The following ADAM32 variants were observed in gnomAD, a reference collection of about 807,000 sequenced individuals.
ADAM32 encodes the protein ADAM metallopeptidase domain 32.
In ADAM32, 89 loss-of-function variants were observed where a neutral mutation model predicts 114.9. That is an observed-to-expected ratio of 0.77 (90% CI 0.65 to 0.92). The LOEUF (loss-of-function observed/expected upper bound fraction) is 0.92, where lower values mean the gene tolerates loss of function less well. Among genes scored for constraint, ADAM32 ranks in the 40% least tolerant of loss-of-function variants. The probability of loss-of-function intolerance (pLI) is 0.00; values close to 1 mark genes in which losing one functional copy is unlikely to be tolerated. For synonymous variants in ADAM32, 285 were observed against 307.5 expected (o/e 0.93, Z 0.77); for missense variants, 870 against 932.8 (o/e 0.93, Z 0.88).
chr8:39,217,093 T>C (rs1336392184), intron 12 of ADAM32, among the ~76,000 whole-genome samples: 1 of 105,510 alleles, frequency 9.5e-6, no homozygotes, highest in Non-Finnish European at 2.0e-5. Flanking sequence ...ATTTCTCCAT[T>C]ATGTTTAAAG....
At chr8:39,259,252 T>C (rs1347666575) in intron 19 of ADAM32, among the ~76,000 whole-genome samples, 1 of 151,914 alleles carries the variant, frequency 6.6e-6, no homozygotes, top group African/African-American at 2.4e-5. Flanking sequence ...CAGGCTGGAG[T>C]GCAGAGGCAT....
intron 18 of ADAM32, among the ~76,000 whole-genome samples, chr8:39,254,847 T>G (rs964769229): frequency 2.0e-5 from 3 of 151,860 alleles, no homozygotes; most frequent in African/African-American, 7.2e-5. Context: ...ATGTGTAGTC[T>G]TTTATACCTC....
Position 39,232,096 on chromosome 8 carries a change from G to A in ADAM32, c.1595G>A (p.Gly532Asp), listed in dbSNP as rs1449677012. The A allele has an allele frequency of 6.2e-7, 1 of 1,611,510 alleles. No individual in the cohort carries two copies. Among genetic ancestry groups the A allele is most frequent in the Non-Finnish European group, 8.5e-7 (1 of 1,178,196 alleles). ...QSQSDRFGNC[G>D]RDRNNKYVFC... Reference sequence around the variant, plus strand: ...CAATCAGACAGATTTGGGAACTGTGGTAGGGATAGAAATAACAAATATGTG... The same window carrying A: ...CAATCAGACAGATTTGGGAACTGTGATAGGGATAGAAATAACAAATATGTG... The change falls in exon 15 of 25, where the codon GGT becomes GAT. Residue 532 changes from glycine to aspartate, a missense_variant. Transcript: ENST00000379907.
At chr8:39,235,833 T>C (rs1210368968) in intron 16 of ADAM32, among the ~76,000 whole-genome samples, 2 of 152,174 alleles carry the variant, frequency 1.3e-5, no homozygotes, top group Non-Finnish European at 2.9e-5. Context: ...AGACTCAACA[T>C]ATTAAAAGTT....
At position 39,165,118 on chromosome 8, in the gene ADAM32, A is replaced by G; in HGVS notation, c.755A>G (p.Asp252Gly). ...ENKISTVGEADELLQKFLEWK... is the reference protein window; with the variant it reads ...ENKISTVGEAGELLQKFLEWK... The stretch of plus-strand genomic sequence containing the variant: ...AAGATTTCTACAGTTGGTGAGGCAG[A>G]TGAATTATTGCAAAAATTTTTAGAA... Residue 252 changes from aspartate (D) to glycine (G), a missense_variant, in exon 9 of 25, where the codon GAT becomes GGT. Transcript: ENST00000379907. 1.9e-6 allele frequency: 3 copies of G among 1,609,426 alleles called. No homozygotes were observed. Among genetic ancestry groups the G allele is most frequent in the South Asian group, 1.1e-5 (1 of 90,704 alleles).
chr8:39,156,989 GC>G (rs1804191938), intron 6 of ADAM32, among the ~76,000 whole-genome samples: 1 of 152,082 alleles, frequency 6.6e-6, no homozygotes, highest in Non-Finnish European at 1.5e-5. Context: ...CTAGCAATGA[GC>G]TTTTTCAGTT....
chr8:39,200,838 A>G (rs533871406), intron 11 of ADAM32, among the ~76,000 whole-genome samples: 104 of 152,326 alleles, frequency 6.8e-4, no homozygotes, highest in African/African-American at 2.2e-3. Flanking sequence ...AGCTTTCTAC[A>G]TATGGCTAGC....
At chr8:39,159,547 T>A (rs1332590349) in intron 6 of ADAM32, among the ~76,000 whole-genome samples, 2 of 152,218 alleles carry the variant, frequency 1.3e-5, no homozygotes, top group Non-Finnish European at 2.9e-5. Context: ...AGCCTTCATT[T>A]CTCCACCCAT....
chr8:39,125,509 C>T (rs534146911), intron 2 of ADAM32, among the ~76,000 whole-genome samples: 41 of 152,256 alleles, frequency 2.7e-4, no homozygotes, highest in Admixed American at 2.0e-3. Context: ...GATGGAATTT[C>T]GAACTTGGAA....
chr8:39,193,483 C>G (rs1486506994), intron 11 of ADAM32, among the ~76,000 whole-genome samples: 1 of 152,148 alleles, frequency 6.6e-6, no homozygotes, highest in Non-Finnish European at 1.5e-5. Context: ...TATCTATATT[C>G]TGAATTCTGT....
chr8:39,109,203 A>G (rs1417115003), intron 1 of ADAM32, among the ~76,000 whole-genome samples: 1 of 152,242 alleles, frequency 6.6e-6, no homozygotes, highest in African/African-American at 2.4e-5. Flanking sequence ...TTAACATATT[A>G]GAAATTAAAA....
chr8:39,218,654 G>A (rs1223825479), intron 12 of ADAM32, among the ~76,000 whole-genome samples: 1 of 152,112 alleles, frequency 6.6e-6, no homozygotes, highest in Non-Finnish European at 1.5e-5. Flanking sequence ...TGCCACCACA[G>A]GCCCACAGGG....
At chr8:39,161,921 GT>G (rs1564510672) in intron 7 of ADAM32, among the ~76,000 whole-genome samples, 2 of 151,218 alleles carry the variant, frequency 1.3e-5, no homozygotes, top group Non-Finnish European at 2.9e-5. Flanking sequence ...AACTCCTTTT[GT>G]TTTTGGATTA....
At chr8:39,147,103 A>G in intron 3 of ADAM32, 27 bp from the exon 4 acceptor site, 1 of 886,654 alleles carries the variant, frequency 1.1e-6, no homozygotes. Flanking sequence ...GAATAATTAA[A>G]AAAATTTCCT....
At chr8:39,122,139 G>C (rs1446685433) in intron 2 of ADAM32, among the ~76,000 whole-genome samples, 1 of 152,164 alleles carries the variant, frequency 6.6e-6, no homozygotes, top group African/African-American at 2.4e-5. Context: ...CCTGATTTAA[G>C]TGACATTTAG....
At chr8:39,135,413 A>G (rs951118788) in intron 2 of ADAM32, among the ~76,000 whole-genome samples, 5 of 152,184 alleles carry the variant, frequency 3.3e-5, no homozygotes, top group Non-Finnish European at 1.5e-5. Context: ...ATTTGGAATA[A>G]TTTTAGATAT....
chr8:39,162,511 T>A (rs1804578933), intron 7 of ADAM32, among the ~76,000 whole-genome samples: 2 of 152,284 alleles, frequency 1.3e-5, no homozygotes, highest in Non-Finnish European at 2.9e-5. Context: ...TTTATATTCC[T>A]TTGGGTATAT....
intron 11 of ADAM32, 142 bp from the exon 12 acceptor site, chr8:39,211,001 CA>C (rs1808167785): frequency 2.0e-5 from 12 of 607,068 alleles, no homozygotes; most frequent in Non-Finnish European, 2.7e-5. Flanking sequence ...ATGACATCCT[CA>C]AGTATGATTT....
chr8:39,198,831 G>T (rs1234397443), intron 11 of ADAM32, among the ~76,000 whole-genome samples: 1 of 151,700 alleles, frequency 6.6e-6, no homozygotes, highest in Non-Finnish European at 1.5e-5. Context: ...GTGTTTTCAG[G>T]ATGGTAGCTA....
Sources: gnomAD v4.1 joint callset for allele counts (sites outside exome capture counted in the v4.1 genomes callset) on GRCh38, gnomAD v4.1.1 for gene constraint, MANE v1.5 for transcripts, NCBI Gene and HGNC (gene_info 2026-07-23, HGNC 2026-07-21) for gene names.